The following METTL15 variants were observed in gnomAD, a reference collection of about 807,000 sequenced individuals.
METTL15 encodes 12S rRNA N(4)-cytidine methyltransferase METTL15.
Under a neutral mutation model 38.3 loss-of-function variants are expected in METTL15, and 34 were observed. The ratio of observed to expected loss-of-function variants is 0.89; its 90% CI spans 0.68 to 1.18. The LOEUF (loss-of-function observed/expected upper bound fraction) is 1.18, where lower values mean the gene tolerates loss of function less well. Ranked by LOEUF, METTL15 falls within the 50% of genes most tolerant of loss-of-function variation. The pLI is 0.00. For synonymous variants in METTL15, 162 were observed against 170.9 expected, an observed-to-expected ratio of 0.95 and a Z score of 0.41; for missense variants, 438 against 498.4, an observed-to-expected ratio of 0.88 and a Z score of 1.15.
At chr11:28,279,557 A>G (rs1371036357) in intron 4 of METTL15, among the ~76,000 whole-genome samples, 2 of 152,070 alleles carry the variant, frequency 1.3e-5, no homozygotes, top group Admixed American at 6.5e-5. Context: ...TTATTTTATT[A>G]TTCATTTTGA....
intron 4 of METTL15, among the ~76,000 whole-genome samples, chr11:28,234,623 A>C (rs1590197766): frequency 6.6e-6 from 1 of 150,668 alleles, no homozygotes; most frequent in East Asian, 2.0e-4. Context: ...GTGTCTGTTC[A>C]TGTCCTTCAC....
intron 6 of METTL15, among the ~76,000 whole-genome samples, chr11:28,498,635 T>C (rs1284290904): frequency 6.6e-6 from 1 of 152,194 alleles, no homozygotes; most frequent in Non-Finnish European, 1.5e-5. Context: ...AAATTCCCCT[T>C]ATTTAGAGAT....
chr11:28,253,476 A>C (rs4559676), intron 4 of METTL15, among the ~76,000 whole-genome samples: 19,600 of 152,200 alleles, frequency 0.13, 1,563 homozygotes, highest in East Asian at 0.28. Flanking sequence ...GTACTCTTTA[A>C]GTTATTTTAA....
chr11:28,390,705 A>G (rs1169506101), intron 5 of METTL15, among the ~76,000 whole-genome samples: 15 of 152,276 alleles, frequency 9.9e-5, no homozygotes, highest in South Asian at 2.1e-4. Context: ...TTGACTTGGC[A>G]ATGCGGACTC....
chr11:28,252,322 C>G (rs923632419), intron 4 of METTL15, among the ~76,000 whole-genome samples: 2 of 152,082 alleles, frequency 1.3e-5, no homozygotes. Flanking sequence ...GAAGGCATCA[C>G]AGATTTCAAA....
chr11:28,121,042 A>G (rs1337748907), intron 3 of METTL15, among the ~76,000 whole-genome samples: 2 of 151,976 alleles, frequency 1.3e-5, no homozygotes, highest in African/African-American at 4.8e-5. Flanking sequence ...TTCCAATTAT[A>G]TTATTTTAGT....
intron 3 of METTL15, among the ~76,000 whole-genome samples, chr11:28,196,709 A>G (rs1444296222): frequency 2.0e-5 from 3 of 151,958 alleles, no homozygotes; most frequent in South Asian, 2.1e-4. Context: ...ACATAAGAAC[A>G]AACAATTTTA....
At chr11:28,470,884 T>G (rs566132819) in intron 6 of METTL15, among the ~76,000 whole-genome samples, 2 of 152,216 alleles carry the variant, frequency 1.3e-5, no homozygotes, top group Non-Finnish European at 1.5e-5. Flanking sequence ...CATCCCTCAT[T>G]TTAAGATAAT....
intron 4 of METTL15, among the ~76,000 whole-genome samples, chr11:28,245,963 A>G (rs1854492201): frequency 6.6e-6 from 1 of 152,204 alleles, no homozygotes; most frequent in Non-Finnish European, 1.5e-5. Context: ...ACAATTTGAC[A>G]TGAGATTTGG....
chr11:28,211,678 A>G (rs1433455852), intron 4 of METTL15, among the ~76,000 whole-genome samples: 1 of 152,034 alleles, frequency 6.6e-6, no homozygotes, highest in Admixed American at 6.6e-5. Flanking sequence ...TATCAGAAAA[A>G]GTGATGTATA....
rs1007959369 is a variant in METTL15, at chr11:28,257,222, T to C, written c.408-32984T>C. On this transcript the variant is annotated intron_variant, in intron 4 of 6. Transcript: ENST00000407364. ...AATCTTCATGCCACTCTTGCCTGGCTTGTAAGATTTTGACTGAAAAGTCTG... is the reference window on the plus strand; with the variant it reads ...AATCTTCATGCCACTCTTGCCTGGCCTGTAAGATTTTGACTGAAAAGTCTG... Among the ~76,000 whole-genome samples, 3 of 152,218 alleles carry C rather than the reference T, an allele frequency of 2.0e-5. No individual in the cohort carries two copies. In the East Asian group the frequency reaches 5.8e-4, roughly 29 times the overall value.
At chr11:28,433,655 A>C (rs2133433788) in intron 6 of METTL15, among the ~76,000 whole-genome samples, 1 of 152,188 alleles carries the variant, frequency 6.6e-6, no homozygotes, top group Admixed American at 6.5e-5. Flanking sequence ...ATTATCTTTA[A>C]TTATTTGGTT....
intron 4 of METTL15, chr11:28,352,222 C>G (rs1386728526): frequency 6.6e-6 from 1 of 152,120 alleles, no homozygotes; most frequent in Non-Finnish European, 1.5e-5. Flanking sequence ...AATGAGAAAC[C>G]TATGAAATCA....
At chr11:28,387,479 C>T (rs953998510) in intron 5 of METTL15, among the ~76,000 whole-genome samples, 2 of 151,736 alleles carry the variant, frequency 1.3e-5, no homozygotes, top group African/African-American at 4.8e-5. Context: ...ATGCAAACTA[C>T]CAAAACCGAA....
chr11:28,394,574 G>C (rs1380982142), intron 5 of METTL15, among the ~76,000 whole-genome samples: 2 of 152,056 alleles, frequency 1.3e-5, no homozygotes, highest in East Asian at 1.9e-4. Context: ...ATGTTTCACG[G>C]ACATTTTCAG....
intron 4 of METTL15, among the ~76,000 whole-genome samples, chr11:28,254,923 G>T (rs1365149419): frequency 6.6e-6 from 1 of 151,926 alleles, no homozygotes; most frequent in Non-Finnish European, 1.5e-5. Context: ...TGTTCTTTTT[G>T]CTCAGGATAG....
At chr11:28,452,095 C>T (rs1851128119) in intron 6 of METTL15, among the ~76,000 whole-genome samples, 1 of 152,310 alleles carries the variant, frequency 6.6e-6, no homozygotes, top group African/African-American at 2.4e-5. Flanking sequence ...TAGACATATT[C>T]CACCTTTGAA....
In METTL15 at chr11:28,211,199, G is replaced by C. The variant is rs755882884; in HGVS notation, c.407+1G>C. The C allele has an allele frequency of 6.8e-6, 11 of 1,606,134 alleles. No individual in the cohort carries two copies. Among genetic ancestry groups the C allele is most frequent in the Non-Finnish European group, 9.3e-6 (11 of 1,176,810 alleles). ...CTGAACATCTTTCAGAGTTGTATCCGTAAGTAATACCCTTGCATATTTATT... is the reference window on the plus strand; with the variant it reads ...CTGAACATCTTTCAGAGTTGTATCCCTAAGTAATACCCTTGCATATTTATT... On this transcript the variant is annotated splice_donor_variant, in intron 4 of 6. Coordinates refer to ENST00000407364, the MANE Select transcript of METTL15 (RefSeq NM_001113528.2). LOFTEE classifies it high-confidence loss of function.
intron 6 of METTL15, among the ~76,000 whole-genome samples, chr11:28,437,733 A>G (rs1590374810): frequency 1.3e-5 from 2 of 152,202 alleles, no homozygotes; most frequent in African/African-American, 4.8e-5. Flanking sequence ...AGAATGAATC[A>G]TTTCTAGCTG....
Sources: gnomAD v4.1 joint callset for allele counts (sites outside exome capture counted in the v4.1 genomes callset) on GRCh38, gnomAD v4.1.1 for gene constraint, MANE v1.5 for transcripts, NCBI Gene and HGNC (gene_info 2026-07-23, HGNC 2026-07-21) for gene names.